ZNF287: variants seen among roughly 807,000 people sequenced by gnomAD.
ZNF287 encodes zinc finger protein with KRAB and SCAN domains 13.
ZNF287 carries 31 observed loss-of-function variants against 73.7 expected under a neutral mutation model. That is an observed-to-expected ratio of 0.42 (90% confidence interval 0.32 to 0.57). The LOEUF (loss-of-function observed/expected upper bound fraction) is 0.57. Ranked by LOEUF, ZNF287 falls within the 20% of genes least tolerant of loss-of-function variation. The pLI is 0.13. For synonymous variants in ZNF287, 301 were observed against 307.2 expected (o/e 0.98, Z 0.21); for missense variants, 641 against 909.3 (o/e 0.70, Z 3.79).
intron 3 of ZNF287, among the ~76,000 whole-genome samples, chr17:16,566,118 G>C (rs918772131): frequency 6.6e-6 from 1 of 152,158 alleles, no homozygotes; most frequent in African/African-American, 2.4e-5. Flanking sequence ...CTAACTACAA[G>C]TCTCATAATA....
At chr17:16,554,914 T>C (rs1214597262) in intron 5 of ZNF287, among the ~76,000 whole-genome samples, 1 of 152,150 alleles carries the variant, frequency 6.6e-6, no homozygotes, top group East Asian at 1.9e-4. Context: ...AGCAAGATCC[T>C]GTCTCCAAAA....
At chr17:16,568,205 C>T (rs1014090153) in intron 1 of ZNF287, 3 of 154,244 alleles carry the variant, frequency 1.9e-5, no homozygotes, top group African/African-American at 7.2e-5. Context: ...AAAAATTAAA[C>T]ATTTTTATAG....
chr17:16,556,198 T>G (rs546902378), intron 5 of ZNF287, among the ~76,000 whole-genome samples: 1 of 139,326 alleles, frequency 7.2e-6, no homozygotes, highest in East Asian at 1.9e-4. Flanking sequence ...ACACAAAATC[T>G]AAGGGGAGAA....
rs78609677 is a variant in ZNF287 at position 16,547,046 on chromosome 17, G to A, written c.*4810C>T. Among the ~76,000 whole-genome samples the A allele has an allele frequency of 0.017, 2,597 of 152,272 alleles. 42 individuals carry two copies. Among genetic ancestry groups the A allele is most frequent in the Non-Finnish European group, 0.024 (1,626 of 68,014 alleles). ...GAGCCATGGGGAGAACAGAAACAGA[G>A]GAGTAAGAATACATTTTCGGGCACA... is the stretch of plus-strand genomic sequence containing the variant. On this transcript the variant is annotated 3_prime_UTR_variant, in exon 6 of 6. Transcript: ENST00000395825.
In ZNF287 at chr17:16,552,287, G is replaced by A; in HGVS notation, c.1855C>T (p.Pro619Ser). 1 of 1,613,882 alleles carries A rather than the reference G, an allele frequency of 6.2e-7. No individual in the cohort carries two copies. The highest frequency in any genetic ancestry group is 8.5e-7 in the Non-Finnish European group (1 of 1,179,958). Residue 619 changes from proline to serine, a missense_variant, in exon 6 of 6, where the codon CCA becomes TCA. By Grantham distance (74) the Pro-to-Ser change is moderately conservative. Transcript: ENST00000395825. The surrounding 1 kb of genome is among the most constrained non-coding windows in gnomAD (Gnocchi z 6.5). Reference protein sequence around the residue: ...QHHRTHTGEKPYKCSVCGKAF... With the variant: ...QHHRTHTGEKSYKCSVCGKAF... ...TTCCCACACACACTGCATTTATATGGTTTCTCTCCAGTATGTGTTCTATGA... is the reference window on the plus strand; with the variant it reads ...TTCCCACACACACTGCATTTATATGATTTCTCTCCAGTATGTGTTCTATGA...
chr17:16,553,531 C>T, intron 5 of ZNF287, 105 bp from the exon 6 acceptor site: 1 of 864,830 alleles, frequency 1.2e-6, no homozygotes, highest in African/African-American at 1.8e-5. Context: ...AAGACAACAG[C>T]TCTGAAAACC....
At chr17:16,564,476 A>G (rs1201150838) in intron 3 of ZNF287, among the ~76,000 whole-genome samples, 1 of 152,144 alleles carries the variant, frequency 6.6e-6, no homozygotes, top group Non-Finnish European at 1.5e-5. Flanking sequence ...TGTTGGGATT[A>G]CAGGAGTGAT....
chr17:16,567,991 A>G (rs1368902683), intron 1 of ZNF287, 62 bp from the exon 2 acceptor site: 5 of 1,276,258 alleles, frequency 3.9e-6, no homozygotes, highest in Non-Finnish European at 5.0e-6. Flanking sequence ...ATACATATAC[A>G]CACACAGAAA....
intron 3 of ZNF287, 28 bp downstream of exon 3, chr17:16,566,497 T>G: frequency 6.3e-7 from 1 of 1,595,288 alleles, no homozygotes; most frequent in Non-Finnish European, 8.6e-7. Flanking sequence ...GAAGGCATTT[T>G]AAAATCAGAA....
In ZNF287 at chr17:16,553,329, G is replaced by A; in HGVS notation, c.813C>T (p.Asp271=). 1.2e-6 allele frequency: 2 copies of A among 1,613,550 alleles called. No homozygotes were observed. Among genetic ancestry groups the A allele is most frequent in the Non-Finnish European group, 1.7e-6 (2 of 1,179,738 alleles). Residue 271 remains aspartate, a synonymous_variant, in exon 6 of 6, where the codon GAC becomes GAT. Transcript: ENST00000395825. ...CTCGCCTCTCTAGTCTATCATCGTA[G>A]TCATATGAGTCTTCTAATTTGATGG... The part of the protein sequence containing the change: ...THTIKLEDSY[D]YDDRLERRGK...
At chr17:16,563,639 G>A in intron 4 of ZNF287, 60 bp downstream of exon 4, 3 of 1,562,394 alleles carry the variant, frequency 1.9e-6, no homozygotes, top group Non-Finnish European at 2.6e-6. Context: ...GCATGTCTGA[G>A]GACCAACCCA....
chr17:16,548,720 AACCTGGGAGGCGG>A lies in ZNF287; in HGVS notation c.*3123_*3135del, dbSNP rs752918373. Among the ~76,000 whole-genome samples, 21 of 152,266 alleles carry A rather than the reference AACCTGGGAGGCGG, an allele frequency of 1.4e-4. No homozygotes were observed. Among genetic ancestry groups the A allele is most frequent in the Non-Finnish European group, 2.8e-4 (19 of 68,016 alleles). ...GAGGCTGAGGCAGGAGAATGGCGTG[AACCTGGGAGGCGG>A]ACCTTGCAGTGAGCCGAGATTGCAC... On this transcript the variant is annotated 3_prime_UTR_variant, in exon 6 of 6. Coordinates refer to ENST00000395825, the MANE Select transcript of ZNF287 (RefSeq NM_020653.4).
At chr17:16,563,629 G>T in intron 4 of ZNF287, 70 bp downstream of exon 4, 1 of 1,518,572 alleles carries the variant, frequency 6.6e-7, no homozygotes, top group Non-Finnish European at 8.9e-7. Context: ...TTTTAGCCAA[G>T]CATGTCTGAG....
At chr17:16,564,614 G>A (rs1028820481) in intron 3 of ZNF287, among the ~76,000 whole-genome samples, 2 of 152,174 alleles carry the variant, frequency 1.3e-5, no homozygotes, top group Non-Finnish European at 2.9e-5. Context: ...ATTTTTATGT[G>A]TTCTATGGTT....
intron 3 of ZNF287, among the ~76,000 whole-genome samples, chr17:16,564,448 C>A (rs1907629410): frequency 6.6e-6 from 1 of 152,150 alleles, no homozygotes; most frequent in Admixed American, 6.5e-5. Context: ...AGCGATCCTT[C>A]ACCTCAGCTC....
chr17:16,567,242 G>C, intron 2 of ZNF287, 87 bp downstream of exon 2: 3 of 1,504,558 alleles, frequency 2.0e-6, no homozygotes, highest in South Asian at 1.4e-5. Flanking sequence ...TGCTCTCCCT[G>C]ATTTCTTTAA....
chr17:16,562,769 G>T (rs1907523762), intron 5 of ZNF287, among the ~76,000 whole-genome samples: 2 of 152,088 alleles, frequency 1.3e-5, no homozygotes, highest in African/African-American at 4.8e-5. Flanking sequence ...ATTTGTCAGT[G>T]AACAGAATAA....
chr17:16,566,444 C>T, intron 3 of ZNF287, 81 bp downstream of exon 3: 1 of 1,142,262 alleles, frequency 8.8e-7, no homozygotes, highest in Non-Finnish European at 1.3e-6. Flanking sequence ...TCTGGGGGCA[C>T]AGTAGTTATA....
Position 16,567,756 on chromosome 17 carries a change from G to A in ZNF287, c.-25C>T, listed in dbSNP as rs1475307337. ...TTGCTACAGACAGGAGAGTCAATCT[G>A]GCAATATCCTTTATTTCTCCAGTAG... On this transcript the variant is annotated 5_prime_UTR_variant, in exon 2 of 6. Coordinates refer to ENST00000395825, the MANE Select transcript of ZNF287 (RefSeq NM_020653.4). 6.3e-7 allele frequency: 1 copy of A among 1,579,794 alleles called. No homozygotes were observed. The highest frequency in any genetic ancestry group is 1.4e-5 in the African/African-American group (1 of 73,836).
Sources: gnomAD v4.1 joint callset for allele counts (sites outside exome capture counted in the v4.1 genomes callset) on GRCh38, gnomAD v4.1.1 for gene constraint, Gnocchi (gnomAD v3.1) non-coding constraint, MANE v1.5 for transcripts, NCBI Gene and HGNC (gene_info 2026-07-23, HGNC 2026-07-21) for gene names.